CCDC191: variants seen among roughly 807,000 people sequenced by gnomAD.
The protein encoded by CCDC191 is coiled-coil domain containing 191.
A neutral mutation model predicts 114.0 loss-of-function variants in CCDC191; 99 were observed. The observed-to-expected ratio is 0.87, with a 90% CI of 0.74 to 1.03. CCDC191 has a LOEUF of 1.03. Among genes scored for constraint, CCDC191 ranks in the 50% least tolerant of loss-of-function variants. CCDC191 has a pLI of 0.00. For synonymous variants in CCDC191, 351 were observed against 376.0 expected, an observed-to-expected ratio of 0.93 and a Z score of 0.77; for missense variants, 973 against 1,087.0, an observed-to-expected ratio of 0.90 and a Z score of 1.47.
rs748277454 is a variant in CCDC191, at chr3:114,004,533, A to G, written c.1978+104T>C. 4.0e-6 allele frequency: 6 copies of G among 1,504,580 alleles called. No individual in the cohort carries two copies. In the African/African-American group the frequency reaches 5.7e-5, roughly 14 times the overall value. The allele number at this position is 1,504,580 out of a possible 1,614,324, so 93.2% of individuals were successfully genotyped here. A position where few individuals can be genotyped will look rare whatever the true frequency, so the allele number is the denominator to read the frequency against. ...GAGATTTTTGATGTCAGGTTCTGCC[A>G]AGTCTCAAAACCTCAAGAGTTGCCA... is the stretch of plus-strand genomic sequence containing the variant. On this transcript the variant is annotated intron_variant, in intron 11 of 16. Coordinates refer to ENST00000295878, the MANE Select transcript of CCDC191 (RefSeq NM_020817.2).
chr3:113,979,612 A>C (rs2075067332), intron 14 of CCDC191, among the ~76,000 whole-genome samples: 2 of 152,230 alleles, frequency 1.3e-5, no homozygotes, highest in Admixed American at 6.5e-5. Flanking sequence ...TTCTTTTAAG[A>C]GGCAAGAGGG....
intron 9 of CCDC191, among the ~76,000 whole-genome samples, chr3:114,008,774 G>T (rs1228052807): frequency 6.6e-6 from 1 of 151,960 alleles, no homozygotes; most frequent in Non-Finnish European, 1.5e-5. Flanking sequence ...TGGACAAAGG[G>T]CATGAAGAGA....
chr3:113,978,742 T>C, intron 15 of CCDC191, 116 bp downstream of exon 15: 1 of 1,068,210 alleles, frequency 9.4e-7, no homozygotes, highest in Non-Finnish European at 1.4e-6. Flanking sequence ...TGGGATTGAC[T>C]ACTCTTTTGT....
intron 16 of CCDC191, among the ~76,000 whole-genome samples, chr3:113,970,939 T>A (rs1163910092): frequency 6.6e-6 from 1 of 152,206 alleles, no homozygotes; most frequent in Non-Finnish European, 1.5e-5. Flanking sequence ...GGTGTATATG[T>A]GCCACATTTT....
At chr3:113,995,427 A>G (rs1449851466) in intron 13 of CCDC191, among the ~76,000 whole-genome samples, 1 of 152,218 alleles carries the variant, frequency 6.6e-6, no homozygotes, top group East Asian at 1.9e-4. Flanking sequence ...GTGAACTTTA[A>G]AGTAGAAAAA....
At chr3:113,975,818 G>C (rs1941284100) in intron 16 of CCDC191, among the ~76,000 whole-genome samples, 1 of 152,202 alleles carries the variant, frequency 6.6e-6, no homozygotes, top group African/African-American at 2.4e-5. Context: ...TAAACAAAAA[G>C]CAAAGTGGGA....
intron 4 of CCDC191, chr3:114,039,474 C>T (rs1355301470): frequency 6.6e-6 from 1 of 152,116 alleles, no homozygotes; most frequent in African/African-American, 2.4e-5. Flanking sequence ...CACCACTGCA[C>T]AACAGAGGGA....
Position 114,005,806 on chromosome 3 carries a change from C to T in CCDC191, c.1570G>A (p.Gly524Ser), listed in dbSNP as rs1238882448. Residue 524 changes from glycine to serine, a missense_variant, in exon 10 of 17, where the codon GGT (glycine) becomes AGT (serine). Transcript: ENST00000295878. The part of the protein sequence containing the change: ...APGNKQHKTL[G>S]AEPSQQPGSN... Reference sequence around the variant, plus strand: ...CCAGGCTGTTGAGAGGGTTCAGCACCCAGGGTCTTGTGCTGCTTATTGCCA... The same window carrying T: ...CCAGGCTGTTGAGAGGGTTCAGCACTCAGGGTCTTGTGCTGCTTATTGCCA... The T allele has an allele frequency of 7.4e-6, 12 of 1,613,862 alleles. No individual in the cohort carries two copies. Among genetic ancestry groups the T allele is most frequent in the Non-Finnish European group, 1.0e-5 (12 of 1,179,988 alleles).
intron 7 of CCDC191, among the ~76,000 whole-genome samples, chr3:114,029,266 C>T (rs999566128): frequency 1.3e-4 from 19 of 151,938 alleles, no homozygotes; most frequent in African/African-American, 4.1e-4. Flanking sequence ...CCAATAGACA[C>T]GTTGAAACAA....
At chr3:114,053,724 G>T in intron 1 of CCDC191, 89 bp from the exon 2 acceptor site, 1 of 780,202 alleles carries the variant, frequency 1.3e-6, no homozygotes, top group Non-Finnish European at 2.1e-6. Flanking sequence ...AAAGCATATG[G>T]AACAGTGTCC....
chr3:113,995,591 A>C (rs2075697770), intron 13 of CCDC191, among the ~76,000 whole-genome samples: 1 of 152,192 alleles, frequency 6.6e-6, no homozygotes, highest in African/African-American at 2.4e-5. Context: ...GACCTAAGTA[A>C]CTTAAAACTT....
intron 7 of CCDC191, among the ~76,000 whole-genome samples, chr3:114,029,458 C>T (rs1331814301): frequency 6.6e-6 from 1 of 152,058 alleles, no homozygotes; most frequent in Non-Finnish European, 1.5e-5. Flanking sequence ...AGAAGAATTT[C>T]AATTAAGTAT....
intron 14 of CCDC191, 73 bp downstream of exon 14, chr3:113,980,577 A>C: frequency 7.2e-7 from 1 of 1,389,758 alleles, no homozygotes. Context: ...CCCTCCCCCA[A>C]GCTTAACTGG....
At chr3:114,030,719 G>A (rs572254490) in intron 7 of CCDC191, among the ~76,000 whole-genome samples, 5 of 152,096 alleles carry the variant, frequency 3.3e-5, no homozygotes, top group South Asian at 2.1e-4. Flanking sequence ...TTTGTTATCC[G>A]TATGATATTC....
intron 8 of CCDC191, 101 bp downstream of exon 8, chr3:114,018,577 A>C: frequency 1.1e-6 from 1 of 918,198 alleles, no homozygotes; most frequent in South Asian, 2.0e-5. Context: ...TAAGTGGTTA[A>C]GATTATTCTA....
chr3:114,055,968 AT>A (rs2076769460), intron 1 of CCDC191, among the ~76,000 whole-genome samples: 1 of 151,714 alleles, frequency 6.6e-6, no homozygotes, highest in African/African-American at 2.4e-5. Flanking sequence ...AGGGTATTTA[AT>A]GTGAAGCTCT....
At chr3:114,032,278 A>AG (rs1185003255) in intron 6 of CCDC191, among the ~76,000 whole-genome samples, 1 of 152,196 alleles carries the variant, frequency 6.6e-6, no homozygotes, top group Admixed American at 6.5e-5. Flanking sequence ...AGCTGAAAAG[A>AG]GAAAAAAATA....
At chr3:113,995,887 CT>C (rs1325628002) in intron 13 of CCDC191, among the ~76,000 whole-genome samples, 5 of 152,258 alleles carry the variant, frequency 3.3e-5, no homozygotes, top group African/African-American at 1.2e-4. Context: ...TGATGATGAG[CT>C]TTTTTCTCAT....
intron 13 of CCDC191, among the ~76,000 whole-genome samples, chr3:113,991,700 T>C (rs1344050575): frequency 6.6e-6 from 1 of 152,164 alleles, no homozygotes; most frequent in Non-Finnish European, 1.5e-5. Flanking sequence ...GTAAAAGGCA[T>C]GCAGATTGGA....
Sources: gnomAD v4.1 joint callset for allele counts (sites outside exome capture counted in the v4.1 genomes callset) on GRCh38, gnomAD v4.1.1 for gene constraint, MANE v1.5 for transcripts, NCBI Gene and HGNC (gene_info 2026-07-23, HGNC 2026-07-21) for gene names.